PIK3CG: variants seen among roughly 807,000 people sequenced by gnomAD.
The protein encoded by PIK3CG is phosphatidylinositol 4,5-bisphosphate 3-kinase catalytic subunit gamma isoform.
In PIK3CG, 55 loss-of-function variants were observed where a neutral mutation model predicts 102.3. That is an observed-to-expected ratio of 0.54 (90% CI 0.43 to 0.67). The LOEUF is 0.67. PIK3CG is among the 30% of genes least tolerant of loss of function. PIK3CG has a pLI of 0.00. For missense variants in PIK3CG, 1,258 were observed against 1,391.8 expected (o/e 0.90, Z 1.53); for synonymous variants, 552 against 540.0 (o/e 1.02, Z -0.31).
Position 106,892,676 on chromosome 7 carries a change from T to C in PIK3CG, c.3030+6384T>C, listed in dbSNP as rs1791294469. On this transcript the variant is annotated intron_variant, in intron 10 of 10. Coordinates refer to ENST00000496166, the MANE Select transcript of PIK3CG (RefSeq NM_001282426.2). This position sits in a 1 kb window ranked among gnomAD's most constrained non-coding sequence, Gnocchi z 5.2. ...TGGCAAGAAAGCTACTTACACAACT[T>C]TGTGCCAAGAAATACCTTGTGCTAA... Among the ~76,000 whole-genome samples the C allele has an allele frequency of 6.6e-6, 1 of 152,190 alleles. No homozygotes were observed. Among genetic ancestry groups the C allele is most frequent in the South Asian group, 2.1e-4 (1 of 4,830 alleles).
At position 106,869,306 on chromosome 7, in the gene PIK3CG, G is replaced by C. The variant is rs2116462543; in HGVS notation, c.1745G>C (p.Ser582Thr). 6.2e-7 allele frequency: 1 copy of C among 1,614,234 alleles called. No homozygotes were observed. Among genetic ancestry groups the C allele is most frequent in the Non-Finnish European group, 8.5e-7 (1 of 1,180,042 alleles). The change falls in exon 2 of 11, where the codon AGC becomes ACC. Residue 582 changes from serine (S) to threonine (T), a missense_variant. Ser to Thr is a moderately conservative substitution (Grantham distance 58, BLOSUM62 1). Around this residue, in one of 2 missense-constraint regions of PIK3CG, gnomAD observed 832 missense variants for 787.5 expected, o/e 1.06. Coordinates refer to ENST00000496166, the MANE Select transcript of PIK3CG (RefSeq NM_001282426.2). This position sits in a 1 kb window ranked among gnomAD's most constrained non-coding sequence, Gnocchi z 5.3. The stretch of plus-strand genomic sequence containing the variant: ...TTGCTCTGGCATTTTAGATACGAAA[G>C]CCTTAAGCACCCAAAAGCATATCCT... ...KELLWHFRYE[S>T]LKHPKAYPKL...
Position 106,899,860 on chromosome 7 carries a change from G to T in PIK3CG, c.3031-5249G>T, listed in dbSNP as rs1051559544. Among the ~76,000 whole-genome samples the T allele has an allele frequency of 6.6e-6, 1 of 152,148 alleles. No homozygotes were observed. Among genetic ancestry groups the T allele is most frequent in the Non-Finnish European group, 1.5e-5 (1 of 68,016 alleles). On this transcript the variant is annotated intron_variant, in intron 10 of 10. Transcript: ENST00000496166. The surrounding 1 kb of genome is among the most constrained non-coding windows in gnomAD (Gnocchi z 4.6). The stretch of plus-strand genomic sequence containing the variant: ...TGCCAGGTTTTGGTATCAAGATGAT[G>T]CTGCTCTCATAGAACGAGTTGGGGA...
In PIK3CG at chr7:106,867,810, G is replaced by A. The variant is rs2116422516; in HGVS notation, c.249G>A (p.Val83=). The A allele has an allele frequency of 1.2e-6, 2 of 1,612,480 alleles. No individual in the cohort carries two copies. The highest frequency in any genetic ancestry group is 1.7e-6 in the Non-Finnish European group (2 of 1,179,930). The change falls in exon 2 of 11, where the codon GTG becomes GTA. Residue 83 remains valine (V), a synonymous_variant. Coordinates refer to ENST00000496166, the MANE Select transcript of PIK3CG (RefSeq NM_001282426.2). The surrounding 1 kb of genome is among the most constrained non-coding windows in gnomAD (Gnocchi z 5.1). ...QVWLRALETS[V]AADFYHRLGP... is the part of the protein sequence containing the mutation. ...GGCTGCGAGCGCTGGAGACCAGCGT[G>A]GCGGCGGACTTCTACCACCGGCTGG...
At chr7:106,875,294 A>T (rs2116502271) in intron 5 of PIK3CG, among the ~76,000 whole-genome samples, 1 of 148,754 alleles carries the variant, frequency 6.7e-6, no homozygotes, top group South Asian at 2.1e-4. Context: ...TAGGAGGTGG[A>T]GGTTGCAGTG....
chr7:106,896,327 T>C (rs1791407328), intron 10 of PIK3CG, among the ~76,000 whole-genome samples: 1 of 152,168 alleles, frequency 6.6e-6, no homozygotes, highest in South Asian at 2.1e-4. Flanking sequence ...GACCACACAG[T>C]GGGCTCACAC....
At chr7:106,887,638 C>T (rs543429220) in intron 10 of PIK3CG, among the ~76,000 whole-genome samples, 4 of 152,228 alleles carry the variant, frequency 2.6e-5, no homozygotes, top group African/African-American at 4.8e-5. Flanking sequence ...TGTTTTTCTG[C>T]ATAAACTCAA....
Position 106,868,149 on chromosome 7 carries a change from C to G in PIK3CG, c.588C>G (p.Tyr196Ter), listed in dbSNP as rs760638407. ...TGGCCAGCCGCGACCCCAAGCTCTACGCCATGCACCCGTGGGTGACGTCCA... is the reference window on the plus strand; with the variant it reads ...TGGCCAGCCGCGACCCCAAGCTCTAGGCCATGCACCCGTGGGTGACGTCCA... ...AEVASRDPKLYAMHPWVTSKP... is the reference protein window; with the variant it reads ...AEVASRDPKL The change falls in exon 2 of 11, where the codon TAC becomes TAG. Residue 196 changes from tyrosine (Y) to a stop codon, truncating the protein, a stop_gained. Transcript: ENST00000496166. LOFTEE classifies it high-confidence loss of function. This position sits in a 1 kb window ranked among gnomAD's most constrained non-coding sequence, Gnocchi z 6.2. 2 of 1,613,294 alleles carry G rather than the reference C, an allele frequency of 1.2e-6. No homozygotes were observed. Among genetic ancestry groups the G allele is most frequent in the Non-Finnish European group, 1.7e-6 (2 of 1,180,020 alleles).
chr7:106,899,305 C>A lies in PIK3CG; in HGVS notation c.3031-5804C>A, dbSNP rs1791486728. The stretch of plus-strand genomic sequence containing the variant: ...TCTAGATATAAAATCATGTCATCTG[C>A]AAACAAAGATAGTTTGACTTCCTTT... On this transcript the variant is annotated intron_variant, in intron 10 of 10. Transcript: ENST00000496166. This position sits in a 1 kb window ranked among gnomAD's most constrained non-coding sequence, Gnocchi z 4.6. 6.6e-6 allele frequency among the ~76,000 whole-genome samples: 1 copy of A among 152,160 alleles called. No homozygotes were observed. Among genetic ancestry groups the A allele is most frequent in the African/African-American group, 2.4e-5 (1 of 41,416 alleles).
intron 10 of PIK3CG, among the ~76,000 whole-genome samples, chr7:106,900,723 C>T (rs1285212914): frequency 6.6e-6 from 1 of 152,150 alleles, no homozygotes; most frequent in African/African-American, 2.4e-5. Context: ...TTTAGTGTTC[C>T]TTTCAAGGTC....
chr7:106,895,039 C>T lies in PIK3CG; in HGVS notation c.3030+8747C>T, dbSNP rs1284424415. 6.6e-6 allele frequency among the ~76,000 whole-genome samples: 1 copy of T among 152,166 alleles called. No homozygotes were observed. Among genetic ancestry groups the T allele is most frequent in the Non-Finnish European group, 1.5e-5 (1 of 68,028 alleles). ...TTTGAATCAACAATGAAATTGAGAGCAGATGTACTACGTAGGCTCAATCTA... is the reference window on the plus strand; with the variant it reads ...TTTGAATCAACAATGAAATTGAGAGTAGATGTACTACGTAGGCTCAATCTA... On this transcript the variant is annotated intron_variant, in intron 10 of 10. Transcript: ENST00000496166. The surrounding 1 kb of genome is among the most constrained non-coding windows in gnomAD (Gnocchi z 5.4).
intron 10 of PIK3CG, among the ~76,000 whole-genome samples, chr7:106,900,215 T>C (rs1248247286): frequency 1.3e-5 from 2 of 152,112 alleles, no homozygotes; most frequent in Non-Finnish European, 2.9e-5. Context: ...CATTTTTAAT[T>C]GTGTTTATTT....
At position 106,867,440 on chromosome 7, in the gene PIK3CG, G is replaced by A. The variant is rs1790324724; in HGVS notation, c.-12-110G>A. On this transcript the variant is annotated intron_variant, in intron 1 of 10. Transcript: ENST00000496166. This position sits in a 1 kb window ranked among gnomAD's most constrained non-coding sequence, Gnocchi z 5.1. The stretch of plus-strand genomic sequence containing the variant: ...AGTTTAAAATACTTGGTCCCTCTGG[G>A]TCCCTGTGCACATGTACGCCGCCTA... The A allele has an allele frequency of 1.0e-6, 1 of 977,668 alleles. No homozygotes were observed. Among genetic ancestry groups the A allele is most frequent in the South Asian group, 1.7e-5 (1 of 59,902 alleles). The allele number at this position is 977,668 out of a possible 1,614,324, so 60.6% of individuals were successfully genotyped here.
chr7:106,904,982 A>G, intron 10 of PIK3CG, 127 bp from the exon 11 acceptor site: 2 of 783,154 alleles, frequency 2.6e-6, no homozygotes, highest in Admixed American at 2.4e-5. Flanking sequence ...CATCTGAGGC[A>G]GGGACCTTGA....
Position 106,869,499 on chromosome 7 carries a change from G to A in PIK3CG, c.1938G>A (p.Gln646=). ...AAAATGTAAGAGCCATTGCAGTTCAGAAACTGGAGAGCTTGGAGGACGATG... is the reference window on the plus strand; with the variant it reads ...AAAATGTAAGAGCCATTGCAGTTCAAAAACTGGAGAGCTTGGAGGACGATG... ...SDENVRAIAV[Q]KLESLEDDDV... The change falls in exon 2 of 11, where the codon CAG becomes CAA. Residue 646 remains glutamine (Q), a synonymous_variant. Transcript: ENST00000496166. The surrounding 1 kb of genome is among the most constrained non-coding windows in gnomAD (Gnocchi z 5.3). 1 of 1,614,188 alleles carries A rather than the reference G, an allele frequency of 6.2e-7. No individual in the cohort carries two copies. The highest frequency in any genetic ancestry group is 8.5e-7 in the Non-Finnish European group (1 of 1,180,010).
chr7:106,907,328 C>T lies in PIK3CG; in HGVS notation c.*1941C>T, dbSNP rs1165641066. On this transcript the variant is annotated 3_prime_UTR_variant, in exon 11 of 11. Transcript: ENST00000496166. Reference sequence around the variant, plus strand: ...GCCCTTTGAGCTTTTCCCCATCTCACAGGTATCTAGAAAAAAACTCCTCTT... The same window carrying T: ...GCCCTTTGAGCTTTTCCCCATCTCATAGGTATCTAGAAAAAAACTCCTCTT... Among the ~76,000 whole-genome samples the T allele has an allele frequency of 6.6e-6, 1 of 152,102 alleles. No individual in the cohort carries two copies. The highest frequency in any genetic ancestry group is 2.4e-5 in the African/African-American group (1 of 41,420).
intron 4 of PIK3CG, among the ~76,000 whole-genome samples, chr7:106,873,998 T>C (rs886489535): frequency 1.3e-5 from 2 of 152,186 alleles, no homozygotes; most frequent in African/African-American, 4.8e-5. Context: ...TATGGCTCAT[T>C]ACATAGACAC....
chr7:106,883,648 A>G lies in PIK3CG; in HGVS notation c.2760+485A>G, dbSNP rs539295934. Reference sequence around the variant, plus strand: ...AAGTGCATATGCTCAATCCTTCACAAGCTGTGTTTTAGCTGTTTGGCTGTC... The same window carrying G: ...AAGTGCATATGCTCAATCCTTCACAGGCTGTGTTTTAGCTGTTTGGCTGTC... On this transcript the variant is annotated intron_variant, in intron 8 of 10. Transcript: ENST00000496166. The surrounding 1 kb of genome is among the most constrained non-coding windows in gnomAD (Gnocchi z 5.8). Among the ~76,000 whole-genome samples the G allele has an allele frequency of 3.6e-4, 55 of 152,294 alleles. No individual in the cohort carries two copies. The highest frequency in any genetic ancestry group is 6.5e-4 in the Non-Finnish European group (44 of 68,016).
Position 106,891,290 on chromosome 7 carries a change from C to T in PIK3CG, c.3030+4998C>T, listed in dbSNP as rs892721507. 6.6e-6 allele frequency among the ~76,000 whole-genome samples: 1 copy of T among 152,178 alleles called. No individual in the cohort carries two copies. Among genetic ancestry groups the T allele is most frequent in the African/African-American group, 2.4e-5 (1 of 41,436 alleles). On this transcript the variant is annotated intron_variant, in intron 10 of 10. Transcript: ENST00000496166. The surrounding 1 kb of genome is among the most constrained non-coding windows in gnomAD (Gnocchi z 4.4). ...AATAACTCAGGCCCAGATTGACAGA[C>T]CATCATCACATGGAAGGTAATAAGC...
In PIK3CG at chr7:106,908,102, A is replaced by C. The variant is rs1791737351; in HGVS notation, c.*2715A>C. On this transcript the variant is annotated 3_prime_UTR_variant, in exon 11 of 11. Coordinates refer to ENST00000496166, the MANE Select transcript of PIK3CG (RefSeq NM_001282426.2). The surrounding 1 kb of genome is among the most constrained non-coding windows in gnomAD (Gnocchi z 4.1). ...GATCACAAGTCAGATGAATCAGGCC[A>C]AAGCAACTTTTATGTATATCTAGGA... Among the ~76,000 whole-genome samples, 1 of 152,204 alleles carries C rather than the reference A, an allele frequency of 6.6e-6. No homozygotes were observed. Among genetic ancestry groups the C allele is most frequent in the Non-Finnish European group, 1.5e-5 (1 of 68,034 alleles).
Sources: gnomAD v4.1 joint callset for allele counts (sites outside exome capture counted in the v4.1 genomes callset) on GRCh38, gnomAD v4.1.1 for gene constraint, gnomAD v4.1.1 regional missense constraint, Gnocchi (gnomAD v3.1) non-coding constraint, MANE v1.5 for transcripts, NCBI Gene and HGNC (gene_info 2026-07-23, HGNC 2026-07-21) for gene names.